Variants in NDOR1 observed in about 807,000 individuals in gnomAD.
NDOR1 encodes NADPH dependent diflavin oxidoreductase 1.
In NDOR1, 61 loss-of-function variants were observed where a neutral mutation model predicts 67.2. The observed-to-expected ratio is 0.91, with a 90% CI of 0.74 to 1.12. The LOEUF (loss-of-function observed/expected upper bound fraction) is 1.12. Among genes scored for constraint, NDOR1 ranks in the 50% most tolerant of loss-of-function variants. The probability of loss-of-function intolerance (pLI) is 0.00; values close to 1 mark genes in which losing one functional copy is unlikely to be tolerated. For missense variants in NDOR1, 878 were observed against 802.8 expected (o/e 1.09, Z -1.13); for synonymous variants, 378 against 343.7 (o/e 1.10, Z -1.10).
Position 137,214,931 on chromosome 9 carries a change from G to T in NDOR1, c.978G>T (p.Glu326Asp). The T allele has an allele frequency of 6.2e-7, 1 of 1,613,378 alleles. No individual in the cohort carries two copies. Among genetic ancestry groups the T allele is most frequent in the South Asian group, 1.1e-5 (1 of 91,086 alleles). Reference sequence around the variant, plus strand: ...CCTGTCTATCCCTCCATGAGCTGGAGCGGGAGAAGCTGCTGGAGTTCAGTT... The same window carrying T: ...CCTGTCTATCCCTCCATGAGCTGGATCGGGAGAAGCTGCTGGAGTTCAGTT... Reference protein sequence around the residue: ...LLACLSLHELEREKLLEFSSA... With the variant: ...LLACLSLHELDREKLLEFSSA... Residue 326 changes from glutamate to aspartate, a missense_variant, in exon 8 of 14, where the codon GAG becomes GAT. Glu to Asp is a conservative substitution (Grantham distance 45, BLOSUM62 2). Coordinates refer to ENST00000684003, the MANE Select transcript of NDOR1 (RefSeq NM_014434.4).
chr9:137,216,103 GTATA>G lies in NDOR1; in HGVS notation c.1566_1569del (p.Tyr523CysfsTer40). 1 of 1,613,558 alleles carries G rather than the reference GTATA, an allele frequency of 6.2e-7. No homozygotes were observed. Among genetic ancestry groups the G allele is most frequent in the Admixed American group, 1.7e-5 (1 of 60,028 alleles). On this transcript the variant is annotated frameshift_variant, in exon 13 of 14. Coordinates refer to ENST00000684003, the MANE Select transcript of NDOR1 (RefSeq NM_014434.4). LOFTEE classifies it high-confidence loss of function. ...GTTCTCTGCCCTACAGGAGCAGAAA[GTATA>G]TGTGCAGCACCGGCTCCGGGAGCTG...
Position 137,217,669 on chromosome 9 carries a change from T to G in NDOR1, c.*1253T>G. 3.8e-6 allele frequency: 1 copy of G among 261,038 alleles called. No homozygotes were observed. The allele number at this position is 261,038 out of a possible 1,614,324, so 16.2% of individuals were successfully genotyped here. A position where few individuals can be genotyped will look rare whatever the true frequency, so the allele number is the denominator to read the frequency against. ...GGGCCCCAGTCAAGTCCACTTCCAGTGAGGAGAGCCAGCCGGGAGGTCAGT... is the reference window on the plus strand; with the variant it reads ...GGGCCCCAGTCAAGTCCACTTCCAGGGAGGAGAGCCAGCCGGGAGGTCAGT... On this transcript the variant is annotated 3_prime_UTR_variant, in exon 14 of 14. Coordinates refer to ENST00000684003, the MANE Select transcript of NDOR1 (RefSeq NM_014434.4).
Position 137,216,138 on chromosome 9 carries a change from G to A in NDOR1, c.1599G>A (p.Ser533=), listed in dbSNP as rs759315152. ...AGCACCGGCTCCGGGAGCTGGGGTC[G>A]CTTGTGTGGGAACTGCTGGACCGCC... ...YVQHRLRELG[S]LVWELLDRQG... The change falls in exon 13 of 14, where the codon TCG becomes TCA. Residue 533 remains serine (S), a synonymous_variant. Coordinates refer to ENST00000684003, the MANE Select transcript of NDOR1 (RefSeq NM_014434.4). The A allele has an allele frequency of 8.7e-6, 14 of 1,613,446 alleles. No individual in the cohort carries two copies. Among genetic ancestry groups the A allele is most frequent in the African/African-American group, 2.7e-5 (2 of 74,928 alleles).
In NDOR1 at chr9:137,216,026, G is replaced by A. The variant is rs368759210; in HGVS notation, c.1554+9G>A. 8.1e-6 allele frequency: 13 copies of A among 1,613,428 alleles called. No homozygotes were observed. The African/African-American group carries it at 1.1e-4, about 13-fold the overall frequency. ...CCTTCTCCCGGGAACAGGTGTGTAT[G>A]CTCAGGGGCTGGGAAAGGAGGGGAG... On this transcript the variant is annotated intron_variant, in intron 12 of 13. Coordinates refer to ENST00000684003, the MANE Select transcript of NDOR1 (RefSeq NM_014434.4).
Position 137,215,641 on chromosome 9 carries a change from A to G in NDOR1, c.1289-18A>G. 1 of 1,575,888 alleles carries G rather than the reference A, an allele frequency of 6.3e-7. No individual in the cohort carries two copies. On this transcript the variant is annotated intron_variant, in intron 10 of 13. Transcript: ENST00000684003. ...ACAGGTCTTTGATCCTCTTCATGCC[A>G]CCTCCTTCCTGCAATAGGACCTGTC... is the stretch of plus-strand genomic sequence containing the variant.
intron 2 of NDOR1, among the ~76,000 whole-genome samples, chr9:137,211,536 G>A (rs545634816): frequency 5.9e-5 from 9 of 152,118 alleles, no homozygotes; most frequent in Admixed American, 1.3e-4. Context: ...CCCTTTTCTC[G>A]GGAAGGAGGA....
intron 2 of NDOR1, among the ~76,000 whole-genome samples, chr9:137,211,833 C>A (rs1391789825): frequency 6.6e-6 from 1 of 151,382 alleles, no homozygotes; most frequent in Non-Finnish European, 1.5e-5. Flanking sequence ...ACCACGCACA[C>A]AGGCCACCTG....
intron 2 of NDOR1, among the ~76,000 whole-genome samples, chr9:137,209,430 G>A (rs983544907): frequency 5.3e-5 from 8 of 152,188 alleles, no homozygotes; most frequent in Non-Finnish European, 1.0e-4. Flanking sequence ...CATTCAGTCA[G>A]CCAGTGGCAG....
intron 2 of NDOR1, among the ~76,000 whole-genome samples, chr9:137,206,682 G>T (rs955005307): frequency 9.2e-5 from 14 of 152,194 alleles, no homozygotes; most frequent in Non-Finnish European, 1.6e-4. Context: ...GGATCCAGCT[G>T]TGAACCCAGC....
At position 137,215,935 on chromosome 9, in the gene NDOR1, A is replaced by G. The variant is rs745585461; in HGVS notation, c.1472A>G (p.Gln491Arg). ...FLFFGCRWRDQDFYWEAEWQE... is the reference protein window; with the variant it reads ...FLFFGCRWRDRDFYWEAEWQE... ...TTTTTTGGCTGCCGCTGGCGGGACC[A>G]AGACTTCTACTGGGAGGCTGAGTGG... The change falls in exon 12 of 14, where the codon CAA becomes CGA. Residue 491 changes from glutamine (Q) to arginine (R), a missense_variant. Transcript: ENST00000684003. The G allele has an allele frequency of 9.2e-5, 148 of 1,613,620 alleles. 1 individual carries two copies. In the Middle Eastern group the frequency reaches 4.6e-3, roughly 50 times the overall value.
rs762204493 is a variant in NDOR1 at position 137,213,973 on chromosome 9, C to T, written c.417C>T (p.Asp139=). 92 of 1,560,162 alleles carry T rather than the reference C, an allele frequency of 5.9e-5. No homozygotes were observed. The highest frequency in any genetic ancestry group is 7.7e-5 in the Non-Finnish European group (89 of 1,153,552). ...CGCACGTGCTCCCTCCCAGGCCCGA[C>T]GCTGCTGTGGACCCCTGGCTGCGAG... The part of the protein sequence containing the change: ...LGDDQHELGP[D]AAVDPWLRDL... Residue 139 remains aspartate, a synonymous_variant, in exon 5 of 14, where the codon GAC becomes GAT. Transcript: ENST00000684003.
At chr9:137,213,111 G>T (rs1162590247) in intron 3 of NDOR1, among the ~76,000 whole-genome samples, 1 of 152,196 alleles carries the variant, frequency 6.6e-6, no homozygotes, top group Admixed American at 6.5e-5. Context: ...ATCAAAAGCC[G>T]TTTGCATAGC....
rs1300944608 is a variant in NDOR1, at chr9:137,212,332, C to T, written c.214-170C>T. On this transcript the variant is annotated intron_variant, in intron 2 of 13. Transcript: ENST00000684003. The surrounding 1 kb of genome is among the most constrained non-coding windows in gnomAD (Gnocchi z 4.3). ...ACCAGCCCTGCCTCCTCCCGGTGCC[C>T]ATCATCCTGCAGGCTGGACCTGGGC... 1.3e-5 allele frequency among the ~76,000 whole-genome samples: 2 copies of T among 152,124 alleles called. No homozygotes were observed. Among genetic ancestry groups the T allele is most frequent in the African/African-American group, 4.8e-5 (2 of 41,414 alleles).
chr9:137,216,002 C>T lies in NDOR1; in HGVS notation c.1539C>T (p.Ala513=). The stretch of plus-strand genomic sequence containing the variant: ...GGGACTGTCTGACCCTCATCCCTGC[C>T]TTCTCCCGGGAACAGGTGTGTATGC... ...EKRDCLTLIP[A]FSREQEQKVY... The change falls in exon 12 of 14, where the codon GCC becomes GCT. Residue 513 remains alanine, a synonymous_variant. Transcript: ENST00000684003. 3 of 1,613,516 alleles carry T rather than the reference C, an allele frequency of 1.9e-6. No individual in the cohort carries two copies. Among genetic ancestry groups the T allele is most frequent in the East Asian group, 2.2e-5 (1 of 44,894 alleles).
At position 137,215,141 on chromosome 9, in the gene NDOR1, A is replaced by G. The variant is rs1293170529; in HGVS notation, c.1112A>G (p.Tyr371Cys). The G allele has an allele frequency of 2.5e-6, 4 of 1,613,540 alleles. No homozygotes were observed. In the South Asian group the frequency reaches 3.3e-5, roughly 13 times the overall value. ...ACAGCTGCCGCCATCCCTCCCGACT[A>G]CCTGTTGGACCTCATCCCCGTTATC... ...PHTAAAIPPDYLLDLIPVIRP... is the reference protein window; with the variant it reads ...PHTAAAIPPDCLLDLIPVIRP... The change falls in exon 9 of 14, where the codon TAC (tyrosine) becomes TGC (cysteine). Residue 371 changes from tyrosine to cysteine, a missense_variant. By Grantham distance (194) the Tyr-to-Cys change is radical (BLOSUM62 -2). Transcript: ENST00000684003.
chr9:137,216,342 T>A lies in NDOR1; in HGVS notation c.1720T>A (p.Cys574Ser), dbSNP rs758690252. ...CATCTTCCAGGAGGAGGGTGGACTC[T>A]GCAGCCCGGACGCAGCCGCGTATCT... is the stretch of plus-strand genomic sequence containing the variant. The part of the protein sequence containing the change: ...MSIFQEEGGL[C>S]SPDAAAYLAR... The change falls in exon 14 of 14, where the codon TGC becomes AGC. Residue 574 changes from cysteine to serine, a missense_variant. Coordinates refer to ENST00000684003, the MANE Select transcript of NDOR1 (RefSeq NM_014434.4). 9.3e-6 allele frequency: 15 copies of A among 1,610,618 alleles called. No individual in the cohort carries two copies. In the South Asian group the frequency reaches 1.1e-4, roughly 12 times the overall value.
At position 137,215,933 on chromosome 9, in the gene NDOR1, C is replaced by T. The variant is rs1382431954; in HGVS notation, c.1470C>T (p.Asp490=). The T allele has an allele frequency of 1.2e-6, 2 of 1,613,670 alleles. No homozygotes were observed. The highest frequency in any genetic ancestry group is 2.7e-5 in the African/African-American group (2 of 75,066). Residue 490 remains aspartate, a synonymous_variant, in exon 12 of 14, where the codon GAC becomes GAT. Transcript: ENST00000684003. The stretch of plus-strand genomic sequence containing the variant: ...TGTTTTTTGGCTGCCGCTGGCGGGA[C>T]CAAGACTTCTACTGGGAGGCTGAGT... ...NFLFFGCRWR[D]QDFYWEAEWQ...
chr9:137,213,580 C>T (rs1835364881), intron 3 of NDOR1, among the ~76,000 whole-genome samples, 200 bp from the exon 4 acceptor site: 2 of 151,862 alleles, frequency 1.3e-5, no homozygotes, highest in Admixed American at 1.3e-4. Context: ...CTGGCAGCTG[C>T]CCTGGTCTCG....
chr9:137,206,701 T>G (rs1303582392), intron 2 of NDOR1, among the ~76,000 whole-genome samples: 2 of 152,130 alleles, frequency 1.3e-5, no homozygotes, highest in Admixed American at 1.3e-4. Context: ...GCAGCCATAT[T>G]TCCATCCTGG....
Sources: allele counts gnomAD v4.1 joint callset (sites outside exome capture counted in the v4.1 genomes callset), GRCh38; gene constraint gnomAD v4.1.1; non-coding constraint Gnocchi (gnomAD v3.1); transcripts MANE v1.5; gene names NCBI Gene and HGNC (gene_info 2026-07-23, HGNC 2026-07-21).